NUP50: variants seen among roughly 807,000 people sequenced by gnomAD.
The protein encoded by NUP50 is nuclear pore complex protein Nup50.
A neutral mutation model predicts 36.8 loss-of-function variants in NUP50; 14 were observed. The ratio of observed to expected loss-of-function variants is 0.38; its 90% CI spans 0.25 to 0.59. NUP50 has a LOEUF of 0.59. Ranked by LOEUF, NUP50 falls within the 20% of genes least tolerant of loss-of-function variation. NUP50 has a pLI of 0.63. For missense variants in NUP50, 455 were observed against 564.6 expected (o/e 0.81, Z 1.97); for synonymous variants, 195 against 210.8 (o/e 0.93, Z 0.65).
intron 2 of NUP50, among the ~76,000 whole-genome samples, chr22:45,168,453 T>A (rs941131557): frequency 1.3e-5 from 2 of 152,236 alleles, no homozygotes; most frequent in Non-Finnish European, 2.9e-5. Flanking sequence ...TAGAAATGTA[T>A]TAATTACATT....
intron 6 of NUP50, among the ~76,000 whole-genome samples, chr22:45,182,623 G>GTTTTTTTTTTTTTTTT (rs550478534): frequency 1.0e-5 from 1 of 95,944 alleles, no homozygotes; most frequent in East Asian, 3.4e-4. Flanking sequence ...CTTGAGGTTT[G>GTTTTTTTTTTTTTTTT]TTTTTTTTTT....
Position 45,181,294 on chromosome 22 carries a change from GAAGAA to G in NUP50, c.1013_1017del (p.Glu338GlyfsTer3). The G allele has an allele frequency of 6.3e-7, 1 of 1,591,226 alleles. No individual in the cohort carries two copies. Among genetic ancestry groups the G allele is most frequent in the Non-Finnish European group, 8.5e-7 (1 of 1,172,102 alleles). On this transcript the variant is annotated frameshift_variant, in exon 6 of 8. Transcript: ENST00000347635. LOFTEE classifies it high-confidence loss of function. ...TGTCATTTTTATAAAAGGTGGAGAT[GAAGAA>G]GAGAATGATGAGCCACCCAAAGTAG...
In NUP50 at chr22:45,178,879, G is replaced by T; in HGVS notation, c.982G>T (p.Gly328Cys). Residue 328 changes from glycine to cysteine, a missense_variant, in exon 5 of 8, where the codon GGT becomes TGT. By Grantham distance (159) the Gly-to-Cys change is radical (BLOSUM62 -3). Transcript: ENST00000347635. ...PTKPLEGQAE[G>C]DSGECKGGDE... ...TAAACCATTGGAGGGCCAAGCAGAA[G>T]GTGACAGTGGTGAATGCAAAGGTAA... 1 of 1,612,952 alleles carries T rather than the reference G, an allele frequency of 6.2e-7. No individual in the cohort carries two copies. The highest frequency in any genetic ancestry group is 1.7e-5 in the Admixed American group (1 of 59,882).
intron 3 of NUP50, 82 bp from the exon 4 acceptor site, chr22:45,175,812 G>A (rs1569049636): frequency 5.7e-6 from 8 of 1,405,908 alleles, no homozygotes; most frequent in Non-Finnish European, 7.9e-6. Flanking sequence ...GTGCTGTTTA[G>A]CCAAGATGCT....
rs368553193 is a variant in NUP50, at chr22:45,187,600, C to T, written c.*2945C>T. ...TTTCAGAAGAGTCAAAATTCAAGCA[C>T]GATACATTTTGAAGGCTTTGCAAAC... is the stretch of plus-strand genomic sequence containing the variant. On this transcript the variant is annotated 3_prime_UTR_variant, in exon 8 of 8. Coordinates refer to ENST00000347635, the MANE Select transcript of NUP50 (RefSeq NM_007172.4). 1 of 152,160 alleles carries T rather than the reference C, an allele frequency of 6.6e-6. No homozygotes were observed. Among genetic ancestry groups the T allele is most frequent in the South Asian group, 2.1e-4 (1 of 4,830 alleles). 9.4% of individuals were successfully genotyped at this position (152,160 alleles called of 1,614,324 possible).
chr22:45,165,556 G>A (rs982102325), intron 1 of NUP50, among the ~76,000 whole-genome samples: 1 of 152,158 alleles, frequency 6.6e-6, no homozygotes, highest in South Asian at 2.1e-4. Context: ...GCCTTGTTCT[G>A]AATATTTTAC....
At chr22:45,175,088 C>T (rs9615052) in intron 3 of NUP50, among the ~76,000 whole-genome samples, 69,343 of 151,698 alleles carry the variant, frequency 0.46, 16,340 homozygotes, top group Middle Eastern at 0.52. Context: ...ATCACTTCTT[C>T]GAACAACAAC....
rs2147685204 is a variant in NUP50 at position 45,175,888 on chromosome 22, C to T, written c.154-6C>T. ...ACCTAATGTGTGCTCCTCCTTCATACTTCAGTCTGACACTGGAGGAGCCTT... is the reference window on the plus strand; with the variant it reads ...ACCTAATGTGTGCTCCTCCTTCATATTTCAGTCTGACACTGGAGGAGCCTT... On this transcript the variant is annotated splice_region_variant and splice_polypyrimidine_tract_variant and intron_variant, in intron 3 of 7. Transcript: ENST00000347635. 6.2e-7 allele frequency: 1 copy of T among 1,613,940 alleles called. No individual in the cohort carries two copies. The highest frequency in any genetic ancestry group is 1.1e-5 in the South Asian group (1 of 91,074).
Position 45,187,771 on chromosome 22 carries a change from A to G in NUP50, c.*3116A>G, listed in dbSNP as rs1228530969. ...CACCGTATGTTCTCAGCCAGTAACAATCATACTGAGGACGAAGGACTCTCC... is the reference window on the plus strand; with the variant it reads ...CACCGTATGTTCTCAGCCAGTAACAGTCATACTGAGGACGAAGGACTCTCC... On this transcript the variant is annotated 3_prime_UTR_variant, in exon 8 of 8. Transcript: ENST00000347635. The G allele has an allele frequency of 1.3e-5, 2 of 152,578 alleles. No homozygotes were observed. Among genetic ancestry groups the G allele is most frequent in the African/African-American group, 2.4e-5 (1 of 41,446 alleles). The allele number at this position is 152,578 out of a possible 1,614,324, so 9.5% of individuals were successfully genotyped here. A position where few individuals can be genotyped will look rare whatever the true frequency, so the allele number is the denominator to read the frequency against.
At chr22:45,183,572 A>G (rs780051036) in intron 7 of NUP50, 52 bp downstream of exon 7, 2 of 1,143,566 alleles carry the variant, frequency 1.7e-6, no homozygotes, top group Non-Finnish European at 2.7e-6. Context: ...AGTATATAAA[A>G]GCGTTTACCC....
chr22:45,172,860 AAAT>A (rs1005958927), intron 3 of NUP50, among the ~76,000 whole-genome samples: 1 of 152,338 alleles, frequency 6.6e-6, no homozygotes, highest in South Asian at 2.1e-4. Flanking sequence ...CAAATTATAA[AAAT>A]AAAGTATTCG....
intron 5 of NUP50, chr22:45,180,363 T>C (rs1555894081): frequency 6.6e-6 from 1 of 151,816 alleles, no homozygotes; most frequent in Non-Finnish European, 1.5e-5. Context: ...GAGGATCCTT[T>C]TATATATGTG....
rs2074437635 is a variant in NUP50 at position 45,184,524 on chromosome 22, A to G, written c.1276A>G (p.Ile426Val). The G allele has an allele frequency of 6.2e-7, 1 of 1,613,572 alleles. No homozygotes were observed. Among genetic ancestry groups the G allele is most frequent in the Non-Finnish European group, 8.5e-7 (1 of 1,179,606 alleles). ...CTRTGKNNVL[I>V]VCVPNPPIDE... is the part of the protein sequence containing the mutation. ...GCGAACAGGGAAGAATAACGTTCTT[A>G]TCGTCTGTGTTCCAAATCCACCAAT... The change falls in exon 8 of 8, where the codon ATC (isoleucine) becomes GTC (valine). Residue 426 changes from isoleucine (I) to valine (V), a missense_variant. This residue lies in a region of NUP50 where 287 missense variants were observed against 345.5 expected (regional missense o/e 0.83). Transcript: ENST00000347635.
intron 6 of NUP50, among the ~76,000 whole-genome samples, chr22:45,181,970 A>C (rs546204001): frequency 6.6e-6 from 1 of 152,298 alleles, no homozygotes; most frequent in East Asian, 1.9e-4. Context: ...TAATGCAAAA[A>C]TTTCCGAATA....
In NUP50 at chr22:45,178,919, G is replaced by A. The variant is rs373284034; in HGVS notation, c.1003+19G>A. 1.5e-5 allele frequency: 23 copies of A among 1,585,314 alleles called. No homozygotes were observed. Among genetic ancestry groups the A allele is most frequent in the Middle Eastern group, 1.7e-4 (1 of 5,922 alleles). On this transcript the variant is annotated intron_variant, in intron 5 of 7. Coordinates refer to ENST00000347635, the MANE Select transcript of NUP50 (RefSeq NM_007172.4). The stretch of plus-strand genomic sequence containing the variant: ...TGCAAAGGTAAGTACCAGCTTTGTC[G>A]TTGAGTCGAGGTTTGCATAAGATTC...
chr22:45,169,908 G>T (rs1023795185), intron 2 of NUP50, among the ~76,000 whole-genome samples: 5 of 152,228 alleles, frequency 3.3e-5, no homozygotes, highest in African/African-American at 1.2e-4. Context: ...CTGTGGTGCT[G>T]TGCTTCAGTG....
chr22:45,177,119 A>G (rs1430154774), intron 4 of NUP50, among the ~76,000 whole-genome samples: 1 of 152,176 alleles, frequency 6.6e-6, no homozygotes, highest in Non-Finnish European at 1.5e-5. Flanking sequence ...TTCAAGTCCC[A>G]TAGTCAGACC....
intron 4 of NUP50, among the ~76,000 whole-genome samples, chr22:45,176,393 G>C (rs572506265): frequency 8.3e-4 from 127 of 152,320 alleles, no homozygotes; most frequent in African/African-American, 2.9e-3. Flanking sequence ...CTAGAGTCGA[G>C]AGAGAAAAGA....
rs574370656 is a variant in NUP50 at position 45,167,523 on chromosome 22, G to C, written c.-10-645G>C. Among the ~76,000 whole-genome samples the C allele has an allele frequency of 1.7e-3, 258 of 152,242 alleles. 2 individuals are homozygous for C. Among genetic ancestry groups the C allele is most frequent in the African/African-American group, 5.9e-3 (247 of 41,530 alleles). On this transcript the variant is annotated intron_variant, in intron 1 of 7. Coordinates refer to ENST00000347635, the MANE Select transcript of NUP50 (RefSeq NM_007172.4). ...AGAGTTAAGCCAATGATTTGTTTTT[G>C]AAAGGTTATAAGTTCCCAGAATACT...
Sources: gnomAD v4.1 joint callset for allele counts (sites outside exome capture counted in the v4.1 genomes callset) on GRCh38, gnomAD v4.1.1 for gene constraint, gnomAD v4.1.1 regional missense constraint, MANE v1.5 for transcripts, NCBI Gene and HGNC (gene_info 2026-07-23, HGNC 2026-07-21) for gene names.